The following CTNND2 variants were observed in gnomAD, a reference collection of about 807,000 sequenced individuals.
CTNND2 encodes catenin delta 2.
Under a neutral mutation model 144.4 loss-of-function variants are expected in CTNND2, and 22 were observed. That is an observed-to-expected ratio of 0.15 (90% confidence interval 0.11 to 0.22). CTNND2 has a LOEUF of 0.22. CTNND2 is among the 10% of genes least tolerant of loss of function. The pLI is 1.00. For synonymous variants in CTNND2, 751 were observed against 695.6 expected (o/e 1.08, Z -1.25); for missense variants, 1,353 against 1,618.8 (o/e 0.84, Z 2.82).
At chr5:11,623,796 ATATGTGTGTATG>A (rs1561630982) in intron 2 of CTNND2, among the ~76,000 whole-genome samples, 7 of 57,442 alleles carry the variant, frequency 1.2e-4, no homozygotes, top group African/African-American at 2.6e-4. Context: ...GTAAATATAT[ATATGTGTGTATG>A]TATATATATA....
At chr5:11,466,609 C>T (rs570343080) in intron 3 of CTNND2, among the ~76,000 whole-genome samples, 16 of 152,240 alleles carry the variant, frequency 1.1e-4, no homozygotes, top group Non-Finnish European at 2.4e-4. Flanking sequence ...TGTCAGGAAT[C>T]CTCTTCCATT....
chr5:11,806,698 T>G (rs1240260095), intron 1 of CTNND2, among the ~76,000 whole-genome samples: 1 of 152,168 alleles, frequency 6.6e-6, no homozygotes, highest in Non-Finnish European at 1.5e-5. Context: ...AGCACTTATG[T>G]GCACATTGGG....
intron 10 of CTNND2, among the ~76,000 whole-genome samples, chr5:11,217,912 T>C (rs1314624349): frequency 1.3e-5 from 2 of 152,196 alleles, no homozygotes; most frequent in African/African-American, 2.4e-5. Context: ...GCATCCAAGG[T>C]TGCGGCTCAT....
intron 2 of CTNND2, among the ~76,000 whole-genome samples, chr5:11,594,108 C>T (rs1350962743): frequency 2.6e-5 from 4 of 152,220 alleles, no homozygotes; most frequent in African/African-American, 9.6e-5. Flanking sequence ...CACCAGAAGA[C>T]ATCTCCTATA....
rs191432658 is a variant in CTNND2 at position 11,648,965 on chromosome 5, A to G, written c.174+83171T>C. Among the ~76,000 whole-genome samples, 21 of 152,298 alleles carry G rather than the reference A, an allele frequency of 1.4e-4. No homozygotes were observed. The East Asian group carries it at 3.9e-3, about 28-fold the overall frequency. On this transcript the variant is annotated intron_variant, in intron 2 of 21. Coordinates refer to ENST00000304623, the MANE Select transcript of CTNND2 (RefSeq NM_001332.4). The stretch of plus-strand genomic sequence containing the variant: ...ATTAATTGCTGTAGATGGATAACAC[A>G]TTTTTGCGTCTAAGAGAATATTAAT...
intron 3 of CTNND2, among the ~76,000 whole-genome samples, chr5:11,484,386 T>C (rs1030753531): frequency 2.0e-5 from 3 of 152,216 alleles, no homozygotes; most frequent in African/African-American, 7.2e-5. Context: ...TGGGTTGTAT[T>C]TGATGTCACA....
intron 1 of CTNND2, among the ~76,000 whole-genome samples, chr5:11,833,473 G>C (rs1348083851): frequency 1.3e-5 from 2 of 152,118 alleles, no homozygotes; most frequent in African/African-American, 4.8e-5. Context: ...GGAGGGTACA[G>C]GTGGTGACTA....
intron 9 of CTNND2, among the ~76,000 whole-genome samples, chr5:11,279,694 G>T (rs1306297829): frequency 6.6e-6 from 1 of 152,200 alleles, no homozygotes; most frequent in Non-Finnish European, 1.5e-5. Context: ...CTGGCTCGTG[G>T]TTCTGCAGGC....
In CTNND2 at chr5:11,411,536, T is replaced by G. The variant is rs771691265; in HGVS notation, c.439A>C (p.Arg147=). ...LDPQDYSTGE[R]PSLLSQSALQ... is the part of the protein sequence containing the mutation. ...CAAGCATAACTGCCACGTGACTTAC[T>G]TTCACCTGTAGAATAATCCTGTGGG... is the stretch of plus-strand genomic sequence containing the variant. Residue 147 remains arginine (R), a splice_region_variant and synonymous_variant, in exon 5 of 22, where the codon AGG becomes CGG. Coordinates refer to ENST00000304623, the MANE Select transcript of CTNND2 (RefSeq NM_001332.4). 6.5e-7 allele frequency: 1 copy of G among 1,533,136 alleles called. No individual in the cohort carries two copies. Among genetic ancestry groups the G allele is most frequent in the South Asian group, 1.1e-5 (1 of 87,234 alleles). 95.0% of individuals were successfully genotyped at this position (1,533,136 alleles called of 1,614,324 possible).
chr5:11,687,182 C>T (rs550555806), intron 2 of CTNND2, among the ~76,000 whole-genome samples: 6 of 152,270 alleles, frequency 3.9e-5, no homozygotes, highest in Non-Finnish European at 7.3e-5. Flanking sequence ...ATTCTTCATG[C>T]GATTTCCGGA....
chr5:11,199,647 T>C lies in CTNND2; in HGVS notation c.1776A>G (p.Gly592=), dbSNP rs1668416004. Residue 592 remains glycine (G), a synonymous_variant, in exon 11 of 22, where the codon GGA becomes GGG. Coordinates refer to ENST00000304623, the MANE Select transcript of CTNND2 (RefSeq NM_001332.4). ...NKIKAEIRRQ[G]GIQLLVDLLD... is the part of the protein sequence containing the mutation. ...ACAGGTCCACCAGGAGCTGGATGCC[T>C]CCTTGTCTCCTTATCTGAAAGAGCA... 6.2e-7 allele frequency: 1 copy of C among 1,614,000 alleles called. No homozygotes were observed. The highest frequency in any genetic ancestry group is 8.5e-7 in the Non-Finnish European group (1 of 1,179,954).
chr5:11,364,607 C>T (rs964381059), intron 8 of CTNND2, 89 bp downstream of exon 8: 1 of 1,067,442 alleles, frequency 9.4e-7, no homozygotes, highest in Non-Finnish European at 1.3e-6. Flanking sequence ...GACACAGACA[C>T]ACACCTTTCA....
chr5:11,629,681 GT>G (rs1307657225), intron 2 of CTNND2, among the ~76,000 whole-genome samples: 2 of 152,008 alleles, frequency 1.3e-5, no homozygotes, highest in Non-Finnish European at 2.9e-5. Context: ...TTTATTTTAT[GT>G]TTTTTAGAGA....
chr5:11,445,381 G>T (rs1406499525), intron 3 of CTNND2, among the ~76,000 whole-genome samples: 1 of 152,136 alleles, frequency 6.6e-6, no homozygotes, highest in Non-Finnish European at 1.5e-5. Context: ...GGTCACGCAC[G>T]GTTTCCCGAG....
intron 11 of CTNND2, among the ~76,000 whole-genome samples, chr5:11,192,414 A>G (rs1736376005): frequency 1.3e-5 from 2 of 152,150 alleles, no homozygotes; most frequent in Admixed American, 6.5e-5. Flanking sequence ...CTCAGGACCT[A>G]TGAATGGGCT....
At chr5:11,473,670 T>C (rs6883502) in intron 3 of CTNND2, among the ~76,000 whole-genome samples, 3,528 of 152,178 alleles carry the variant, frequency 0.023, 127 homozygotes, top group African/African-American at 0.081. Context: ...TAGAGCACAC[T>C]GAGAGAAGGA....
chr5:11,170,854 A>T (rs968051584), intron 11 of CTNND2, among the ~76,000 whole-genome samples: 1 of 152,236 alleles, frequency 6.6e-6, no homozygotes, highest in Non-Finnish European at 1.5e-5. Flanking sequence ...GAGGCCTCAC[A>T]ACCATGGGAG....
intron 2 of CTNND2, among the ~76,000 whole-genome samples, chr5:11,729,990 A>G (rs1295663564): frequency 9.3e-6 from 1 of 107,254 alleles, no homozygotes; most frequent in Non-Finnish European, 1.7e-5. Context: ...TCTTCTGTTT[A>G]TATCTTTTGC....
chr5:10,993,305 A>C (rs940926769), intron 18 of CTNND2, among the ~76,000 whole-genome samples: 1 of 152,206 alleles, frequency 6.6e-6, no homozygotes, highest in Non-Finnish European at 1.5e-5. Flanking sequence ...AAGCATCTAT[A>C]CTATTTTTCC....
Sources: allele counts gnomAD v4.1 joint callset (sites outside exome capture counted in the v4.1 genomes callset), GRCh38; gene constraint gnomAD v4.1.1; transcripts MANE v1.5; gene names NCBI Gene and HGNC (gene_info 2026-07-23, HGNC 2026-07-21).